The following BRIP1 variants were observed in gnomAD, a reference collection of about 807,000 sequenced individuals.
BRIP1 encodes Fanconi anemia group J protein.
A neutral mutation model predicts 119.7 loss-of-function variants in BRIP1; 88 were observed. The ratio of observed to expected loss-of-function variants is 0.74; its 90% CI spans 0.62 to 0.88. The LOEUF (loss-of-function observed/expected upper bound fraction) is 0.88, where lower values mean the gene tolerates loss of function less well. BRIP1 is among the 40% of genes least tolerant of loss of function. The probability of loss-of-function intolerance (pLI) is 0.00; values close to 1 mark genes in which losing one functional copy is unlikely to be tolerated. For missense variants in BRIP1, 1,259 were observed against 1,455.4 expected (o/e 0.87, Z 2.20); for synonymous variants, 443 against 496.5 (o/e 0.89, Z 1.43).
In BRIP1 at chr17:61,799,033, C is replaced by G. The variant is rs2145296632; in HGVS notation, c.1340+67G>C. The G allele has an allele frequency of 6.9e-7, 1 of 1,447,120 alleles. No homozygotes were observed. The allele number at this position is 1,447,120 out of a possible 1,614,324, so 89.6% of individuals were successfully genotyped here. On this transcript the variant is annotated intron_variant, in intron 9 of 19. Coordinates refer to ENST00000259008, the MANE Select transcript of BRIP1 (RefSeq NM_032043.3). The surrounding 1 kb of genome is among the most constrained non-coding windows in gnomAD (Gnocchi z 5.1). ...CCAAAGTTTACTAACTTTAAATACTCTGGCATAATCAAACATATTTTTCAT... is the reference window on the plus strand; with the variant it reads ...CCAAAGTTTACTAACTTTAAATACTGTGGCATAATCAAACATATTTTTCAT...
At chr17:61,829,192 A>T (rs989658228) in intron 6 of BRIP1, among the ~76,000 whole-genome samples, 23 of 152,158 alleles carry the variant, frequency 1.5e-4, no homozygotes, top group Non-Finnish European at 1.8e-4. Flanking sequence ...ATTATTTATA[A>T]GAAACTTATC....
At chr17:61,750,529 A>C (rs991879870) in intron 14 of BRIP1, among the ~76,000 whole-genome samples, 9 of 152,188 alleles carry the variant, frequency 5.9e-5, no homozygotes, top group Non-Finnish European at 1.3e-4. Context: ...TTTCATAAAA[A>C]ATTATAAAAC....
rs1338536883 is a variant in BRIP1 at position 61,743,687 on chromosome 17, T to G, written c.2258-553A>C. 6.6e-6 allele frequency among the ~76,000 whole-genome samples: 1 copy of G among 152,110 alleles called. No homozygotes were observed. Among genetic ancestry groups the G allele is most frequent in the African/African-American group, 2.4e-5 (1 of 41,406 alleles). On this transcript the variant is annotated intron_variant, in intron 15 of 19. Transcript: ENST00000259008. This position sits in a 1 kb window ranked among gnomAD's most constrained non-coding sequence, Gnocchi z 4.3. The stretch of plus-strand genomic sequence containing the variant: ...TTCACATCAAACTTTTTTATTTTAT[T>G]TTATTATTTTTTGTGTGTGAGACAG...
rs1384396475 is a variant in BRIP1, at chr17:61,828,582, AG to A, written c.627+18518del. ...TTTTACCATTAAAAACATGAAGGTA[AG>A]AAAAAAAGCTGAAAAAATATTTGCA... On this transcript the variant is annotated intron_variant, in intron 6 of 19. Coordinates refer to ENST00000259008, the MANE Select transcript of BRIP1 (RefSeq NM_032043.3). The surrounding 1 kb of genome is among the most constrained non-coding windows in gnomAD (Gnocchi z 4.1). Among the ~76,000 whole-genome samples the A allele has an allele frequency of 6.6e-6, 1 of 152,232 alleles. No homozygotes were observed.
chr17:61,850,982 C>A (rs2078812473), intron 4 of BRIP1, among the ~76,000 whole-genome samples: 1 of 152,116 alleles, frequency 6.6e-6, no homozygotes, highest in African/African-American at 2.4e-5. Flanking sequence ...AATCCCAGCA[C>A]TTTGGGAGGC....
rs1163213567 is a variant in BRIP1, at chr17:61,757,374, C to A, written c.2098-12783G>T. Reference sequence around the variant, plus strand: ...ATGAACACAGGTGCAGTTGGAGGTGCACTTGGAGGAATAATATAGACAAAT... The same window carrying A: ...ATGAACACAGGTGCAGTTGGAGGTGAACTTGGAGGAATAATATAGACAAAT... On this transcript the variant is annotated intron_variant, in intron 14 of 19. Coordinates refer to ENST00000259008, the MANE Select transcript of BRIP1 (RefSeq NM_032043.3). This position sits in a 1 kb window ranked among gnomAD's most constrained non-coding sequence, Gnocchi z 4.3. Among the ~76,000 whole-genome samples, 1 of 152,126 alleles carries A rather than the reference C, an allele frequency of 6.6e-6. No individual in the cohort carries two copies. Among genetic ancestry groups the A allele is most frequent in the Non-Finnish European group, 1.5e-5 (1 of 68,034 alleles).
At chr17:61,801,010 AAATCCTGCTGT>A (rs1187532311) in intron 8 of BRIP1, among the ~76,000 whole-genome samples, 1 of 152,202 alleles carries the variant, frequency 6.6e-6, no homozygotes, top group East Asian at 1.9e-4. Context: ...ATGCAAAGAG[AAATCCTGCTGT>A]AATCCCACTT....
At position 61,786,224 on chromosome 17, in the gene BRIP1, GAA is replaced by G. The variant is rs556365346; in HGVS notation, c.1474-1802_1474-1801del. ...TGTGTGTGTGTGTGTGACAGAGAGA[GAA>G]GAGTGTGTGTGAGTGTGTGCGTGTC... On this transcript the variant is annotated intron_variant, in intron 10 of 19. Transcript: ENST00000259008. Among the ~76,000 whole-genome samples, 651 of 151,932 alleles carry G rather than the reference GAA, an allele frequency of 4.3e-3. 1 individual carries two copies. The highest frequency in any genetic ancestry group is 6.8e-3 in the Non-Finnish European group (464 of 67,874).
chr17:61,841,976 C>T lies in BRIP1; in HGVS notation c.627+5125G>A, dbSNP rs1340070486. 1.3e-5 allele frequency among the ~76,000 whole-genome samples: 2 copies of T among 152,178 alleles called. No homozygotes were observed. Among genetic ancestry groups the T allele is most frequent in the Non-Finnish European group, 2.9e-5 (2 of 68,026 alleles). On this transcript the variant is annotated intron_variant, in intron 6 of 19. Transcript: ENST00000259008. This position sits in a 1 kb window ranked among gnomAD's most constrained non-coding sequence, Gnocchi z 4.1. ...GATTACTGGTGTGAGCCACCACACC[C>T]AGCCAACACCATGTTTATTGCAGCG...
intron 17 of BRIP1, among the ~76,000 whole-genome samples, chr17:61,711,723 C>G (rs990358682): frequency 6.6e-6 from 1 of 151,910 alleles, no homozygotes; most frequent in Non-Finnish European, 1.5e-5. Flanking sequence ...CAAAAATTAG[C>G]CAGGCGTGGT....
rs876659309 is a variant in BRIP1, at chr17:61,744,509, G to A, written c.2180C>T (p.Pro727Leu). 7 of 1,613,422 alleles carry A rather than the reference G, an allele frequency of 4.3e-6. No individual in the cohort carries two copies. The highest frequency in any genetic ancestry group is 5.9e-6 in the Non-Finnish European group (7 of 1,179,678). The change falls in exon 15 of 20, where the codon CCA becomes CTA. Residue 727 changes from proline (P) to leucine (L), a missense_variant. Pro to Leu is a moderately conservative substitution (Grantham distance 98). This residue lies in a region of BRIP1 where 753 missense variants were observed against 891.8 expected (regional missense o/e 0.84). Coordinates refer to ENST00000259008, the MANE Select transcript of BRIP1 (RefSeq NM_032043.3). This position sits in a 1 kb window ranked among gnomAD's most constrained non-coding sequence, Gnocchi z 5.0. ...LELVKTVIVE[P>L]QGGEKTNFDE... ...AAAATTTGTTTTTTCTCCTCCCTGT[G>A]GTTCTACAATGACTGTCTTCACCAA... is the stretch of plus-strand genomic sequence containing the variant.
rs2145764513 is a variant in BRIP1, at chr17:61,849,201, G to A, written c.435C>T (p.Ser145=). 1 of 1,612,536 alleles carries A rather than the reference G, an allele frequency of 6.2e-7. No individual in the cohort carries two copies. Among genetic ancestry groups the A allele is most frequent in the Non-Finnish European group, 8.5e-7 (1 of 1,178,896 alleles). Residue 145 remains serine, a synonymous_variant, in exon 5 of 20, where the codon TCC becomes TCT. Transcript: ENST00000259008. ...AAKLSAKKQA[S]IYRDENDDFQ... is the part of the protein sequence containing the mutation. ...AATCATCATTTTCATCTCTGTATAT[G>A]GATGCCTGTTTCTTAGCAGATAACT...
intron 14 of BRIP1, among the ~76,000 whole-genome samples, chr17:61,766,011 T>C (rs796204729): frequency 1.3e-5 from 2 of 152,226 alleles, no homozygotes; most frequent in African/African-American, 4.8e-5. Flanking sequence ...AAAACAAATG[T>C]GAAAAGCAAA....
chr17:61,827,411 T>C lies in BRIP1; in HGVS notation c.628-18654A>G, dbSNP rs565253272. ...TATAACAAACCTGAGCATGTACCCC[T>C]GAACTTAAAATAAAAATTAAATTTA... On this transcript the variant is annotated intron_variant, in intron 6 of 19. Transcript: ENST00000259008. This position sits in a 1 kb window ranked among gnomAD's most constrained non-coding sequence, Gnocchi z 5.8. Among the ~76,000 whole-genome samples, 34 of 152,042 alleles carry C rather than the reference T, an allele frequency of 2.2e-4. No individual in the cohort carries two copies. The highest frequency in any genetic ancestry group is 2.0e-3 in the Admixed American group (30 of 15,264).
rs187435129 is a variant in BRIP1 at position 61,700,182 on chromosome 17, T to C, written c.2493-6670A>G. ...GACAATCACCACAGATTTACAATTA[T>C]TGTTTTATGCAGTTGCTCTTTTAAA... On this transcript the variant is annotated intron_variant, in intron 17 of 19. Transcript: ENST00000259008. The surrounding 1 kb of genome is among the most constrained non-coding windows in gnomAD (Gnocchi z 4.1). 2.8e-4 allele frequency among the ~76,000 whole-genome samples: 43 copies of C among 152,330 alleles called. No individual in the cohort carries two copies. Among genetic ancestry groups the C allele is most frequent in the Non-Finnish European group, 2.6e-4 (18 of 68,030 alleles).
chr17:61,764,811 G>C (rs537016028), intron 14 of BRIP1, among the ~76,000 whole-genome samples: 2 of 152,030 alleles, frequency 1.3e-5, no homozygotes, highest in East Asian at 1.9e-4. Flanking sequence ...CTAAGGGGGT[G>C]GGGGGAGCAC....
intron 8 of BRIP1, among the ~76,000 whole-genome samples, chr17:61,800,200 TTTGTG>T (rs1361523028): frequency 1.3e-5 from 2 of 152,072 alleles, no homozygotes; most frequent in Admixed American, 1.3e-4. Context: ...TTAGGGTAGG[TTTGTG>T]TCACTTGCAA....
rs1229599116 is a variant in BRIP1, at chr17:61,804,251, G to A, written c.919-2777C>T. On this transcript the variant is annotated intron_variant, in intron 7 of 19. Transcript: ENST00000259008. The surrounding 1 kb of genome is among the most constrained non-coding windows in gnomAD (Gnocchi z 4.5). ...CATTGGAACTAAGTGGTAGAATAAT[G>A]GGCCACTTTTATTTTAATTAATTCT... is the stretch of plus-strand genomic sequence containing the variant. Among the ~76,000 whole-genome samples the A allele has an allele frequency of 6.6e-6, 1 of 151,888 alleles. No homozygotes were observed. Among genetic ancestry groups the A allele is most frequent in the East Asian group, 1.9e-4 (1 of 5,174 alleles).
intron 10 of BRIP1, among the ~76,000 whole-genome samples, chr17:61,785,194 T>C (rs2077687235): frequency 1.3e-5 from 2 of 152,214 alleles, no homozygotes; most frequent in Non-Finnish European, 2.9e-5. Flanking sequence ...AAAGTAATTC[T>C]GATGCTGAGA....
Sources: allele counts gnomAD v4.1 joint callset (sites outside exome capture counted in the v4.1 genomes callset), GRCh38; gene constraint gnomAD v4.1.1; regional missense constraint gnomAD v4.1.1; non-coding constraint Gnocchi (gnomAD v3.1); transcripts MANE v1.5; gene names NCBI Gene and HGNC (gene_info 2026-07-23, HGNC 2026-07-21).